TPRG1: variants seen among roughly 807,000 people sequenced by gnomAD.
The protein encoded by TPRG1 is tumor protein p63-regulated gene 1 protein.
A neutral mutation model predicts 29.3 loss-of-function variants in TPRG1; 29 were observed. That is an observed-to-expected ratio of 0.99 (90% CI 0.74 to 1.35). The LOEUF (loss-of-function observed/expected upper bound fraction) is 1.35. Among genes scored for constraint, TPRG1 ranks in the 40% most tolerant of loss-of-function variants. The pLI, the probability that TPRG1 is intolerant of heterozygous loss-of-function variation, is 0.00. For missense variants in TPRG1, 327 were observed against 335.0 expected (o/e 0.98, Z 0.19); for synonymous variants, 130 against 116.8 (o/e 1.11, Z -0.73).
At chr3:189,170,982 A>C (rs113912932), upstream of TPRG1, among the ~76,000 whole-genome samples, 91 of 152,354 alleles carry the variant, frequency 6.0e-4, 3 homozygotes, top group Middle Eastern at 3.4e-3. Context: ...AGAATTTAGG[A>C]TAGAAGATTG....
chr3:189,186,435 A>C (rs1183169974), intron 1 of TPRG1, among the ~76,000 whole-genome samples: 6 of 152,230 alleles, frequency 3.9e-5, no homozygotes, highest in African/African-American at 1.4e-4. Flanking sequence ...AATTAAAACA[A>C]AACAAAACAA....
chr3:189,231,973 G>A (rs1738737110), intron 3 of TPRG1, among the ~76,000 whole-genome samples: 1 of 149,776 alleles, frequency 6.7e-6, no homozygotes, highest in African/African-American at 2.5e-5. Context: ...GTGTGTGTGT[G>A]TTTGGGTGTA....
rs1206636743 is a variant in TPRG1, at chr3:189,204,945, T to TCACACACACA, written c.-9-2430_-9-2429insACACACACAC. Among the ~76,000 whole-genome samples, 694 of 92,694 alleles carry TCACACACACA rather than the reference T, an allele frequency of 7.5e-3. 4 individuals are homozygous for TCACACACACA. Among genetic ancestry groups the TCACACACACA allele is most frequent in the Admixed American group, 0.016 (131 of 8,398 alleles). The allele number at this position is 92,694 out of a possible 152,430, so 60.8% of individuals were successfully genotyped here. On this transcript the variant is annotated intron_variant, in intron 1 of 5. Transcript: ENST00000345063. ...CTCTGTCTCTATGTCTCTCTCTCTC[T>TCACACACACA]CTCACACACACACACACACACACAC...
intron 3 of TPRG1, among the ~76,000 whole-genome samples, chr3:189,234,780 A>G (rs1429040245): frequency 6.6e-6 from 1 of 152,224 alleles, no homozygotes; most frequent in Non-Finnish European, 1.5e-5. Flanking sequence ...GACAGACATT[A>G]ATTATGTAAT....
chr3:189,280,444 CAT>C (rs1716932258), intron 4 of TPRG1, among the ~76,000 whole-genome samples: 1 of 152,120 alleles, frequency 6.6e-6, no homozygotes. Context: ...GTTCATATAA[CAT>C]GTGTATTAAT....
At chr3:189,312,185 T>TC (rs1722764554) in intron 5 of TPRG1, among the ~76,000 whole-genome samples, 1 of 47,376 alleles carries the variant, frequency 2.1e-5, no homozygotes, top group Non-Finnish European at 4.0e-5. Context: ...TTCTTTCTTT[T>TC]TTTCTTTCTT....
rs1039969727 is a variant in TPRG1, at chr3:189,323,224, A to G, written c.*2404A>G. The G allele has an allele frequency of 3.3e-5, 5 of 152,134 alleles. No individual in the cohort carries two copies. The highest frequency in any genetic ancestry group is 6.6e-5 in the Admixed American group (1 of 15,256). The allele number at this position is 152,134 out of a possible 1,614,324, so 9.4% of individuals were successfully genotyped here. A position where few individuals can be genotyped will look rare whatever the true frequency, so the allele number is the denominator to read the frequency against. On this transcript the variant is annotated 3_prime_UTR_variant, in exon 6 of 6. Coordinates refer to ENST00000345063, the MANE Select transcript of TPRG1 (RefSeq NM_198485.4). ...GATACCGTTTGGAGAAATGATTGAC[A>G]TAATCTTTTAAGGCCGGTGACCCTA...
intron 3 of TPRG1, among the ~76,000 whole-genome samples, chr3:189,135,036 G>A (rs1723577018): frequency 6.6e-6 from 1 of 152,216 alleles, no homozygotes; most frequent in African/African-American, 2.4e-5. Flanking sequence ...ATGTCTTTTA[G>A]TCTACTTCCT....
At chr3:189,315,642 A>G (rs954831264) in intron 5 of TPRG1, 11 of 353,954 alleles carry the variant, frequency 3.1e-5, no homozygotes, top group African/African-American at 1.7e-4. Context: ...TTTCAAGGGG[A>G]TCATGTAAAT....
chr3:189,002,597 G>A (rs1443913238), intron 2 of TPRG1, among the ~76,000 whole-genome samples: 4 of 152,094 alleles, frequency 2.6e-5, no homozygotes. Flanking sequence ...CATCCCAAAT[G>A]CCTCTCTGAA....
chr3:189,286,173 G>C (rs1049651149), intron 4 of TPRG1, among the ~76,000 whole-genome samples: 1 of 151,990 alleles, frequency 6.6e-6, no homozygotes, highest in Non-Finnish European at 1.5e-5. Flanking sequence ...CTATTCCCCA[G>C]ATACCACATA....
intron 4 of TPRG1, among the ~76,000 whole-genome samples, chr3:189,089,621 C>T (rs761806143): frequency 1.6e-4 from 24 of 152,238 alleles, no homozygotes; most frequent in Non-Finnish European, 2.1e-4. Flanking sequence ...CAAGGCTATA[C>T]AGAGCATCAC....
chr3:189,195,684 C>T (rs1363566782), intron 1 of TPRG1, among the ~76,000 whole-genome samples: 1 of 152,210 alleles, frequency 6.6e-6, no homozygotes, highest in Non-Finnish European at 1.5e-5. Flanking sequence ...CCTGTGAGCA[C>T]AGCTGGGGAT....
At chr3:189,313,088 C>A (rs1409248317) in intron 5 of TPRG1, 1 of 150,522 alleles carries the variant, frequency 6.6e-6, no homozygotes, top group Non-Finnish European at 1.5e-5. Flanking sequence ...CTGGCACTTT[C>A]ATTTGCCAAG....
At chr3:189,057,632 A>G (rs1715785713) in intron 4 of TPRG1, among the ~76,000 whole-genome samples, 1 of 151,182 alleles carries the variant, frequency 6.6e-6, no homozygotes, top group Admixed American at 6.6e-5. Flanking sequence ...GACAAACTTC[A>G]TGTTGAAACA....
chr3:189,194,108 T>C (rs1290538238), intron 1 of TPRG1, among the ~76,000 whole-genome samples: 1 of 151,528 alleles, frequency 6.6e-6, no homozygotes, highest in Non-Finnish European at 1.5e-5. Flanking sequence ...TGCCTGCTGG[T>C]TGTGAAGGGT....
At chr3:189,049,100 G>A (rs1715149382) in intron 4 of TPRG1, among the ~76,000 whole-genome samples, 1 of 152,176 alleles carries the variant, frequency 6.6e-6, no homozygotes, top group Non-Finnish European at 1.5e-5. Flanking sequence ...TTCTCTAGCT[G>A]AACTTTGTAA....
At chr3:189,192,799 T>G (rs1348151039) in intron 1 of TPRG1, among the ~76,000 whole-genome samples, 1 of 152,206 alleles carries the variant, frequency 6.6e-6, no homozygotes, top group Admixed American at 6.5e-5. Context: ...GATGTTTTCT[T>G]GATAGTGAAT....
chr3:189,210,807 T>G (rs61045680), intron 2 of TPRG1, among the ~76,000 whole-genome samples: 1,917 of 151,930 alleles, frequency 0.013, 48 homozygotes, highest in African/African-American at 0.044. Context: ...GGGCTCAAAC[T>G]AGTTTTCCAA....
Sources: allele counts gnomAD v4.1 joint callset (sites outside exome capture counted in the v4.1 genomes callset), GRCh38; gene constraint gnomAD v4.1.1; transcripts MANE v1.5; gene names NCBI Gene and HGNC (gene_info 2026-07-23, HGNC 2026-07-21).